MRPL3: variants seen among roughly 807,000 people sequenced by gnomAD.
The protein encoded by MRPL3 is mitochondrial ribosomal protein L3.
In MRPL3, 43 loss-of-function variants were observed where a neutral mutation model predicts 44.3. The observed-to-expected ratio is 0.97, with a 90% CI of 0.76 to 1.25. MRPL3 has a LOEUF of 1.25. Ranked by LOEUF, MRPL3 falls within the 50% of genes most tolerant of loss-of-function variation. The probability of loss-of-function intolerance (pLI) is 0.00; values close to 1 mark genes in which losing one functional copy is unlikely to be tolerated. For missense variants in MRPL3, 406 were observed against 427.6 expected (o/e 0.95, Z 0.45); for synonymous variants, 171 against 152.3 (o/e 1.12, Z -0.91).
At chr3:131,466,746 T>C (rs529441895) in intron 9 of MRPL3, among the ~76,000 whole-genome samples, 1 of 152,102 alleles carries the variant, frequency 6.6e-6, no homozygotes, top group Non-Finnish European at 1.5e-5. Context: ...TACATATATA[T>C]GTATGGTGTG....
chr3:131,463,765 T>A (rs780065588), intron 9 of MRPL3, among the ~76,000 whole-genome samples: 1 of 152,186 alleles, frequency 6.6e-6, no homozygotes, highest in African/African-American at 2.4e-5. Flanking sequence ...ACTGATGTGA[T>A]CTAAAATGTT....
intron 6 of MRPL3, among the ~76,000 whole-genome samples, chr3:131,477,438 T>C (rs1343448147): frequency 1.3e-5 from 2 of 152,206 alleles, no homozygotes; most frequent in African/African-American, 2.4e-5. Context: ...TCCTCTCCAA[T>C]TACTCTTTGG....
At chr3:131,501,911 T>C (rs1392333187) in intron 1 of MRPL3, 196 bp from the exon 2 acceptor site, 5 of 1,536,124 alleles carry the variant, frequency 3.3e-6, no homozygotes, top group Non-Finnish European at 4.4e-6. Flanking sequence ...ACATTTAAAC[T>C]GTTAGTCGTT....
At chr3:131,474,469 C>G (rs1933809355) in intron 6 of MRPL3, among the ~76,000 whole-genome samples, 1 of 151,962 alleles carries the variant, frequency 6.6e-6, no homozygotes, top group Non-Finnish European at 1.5e-5. Flanking sequence ...TTCTGGTGTT[C>G]TATGGTACAC....
intron 6 of MRPL3, among the ~76,000 whole-genome samples, chr3:131,479,861 A>G (rs1246205112): frequency 6.6e-6 from 1 of 152,220 alleles, no homozygotes; most frequent in Non-Finnish European, 1.5e-5. Context: ...AAGAATTAAG[A>G]TAAAATCTTT....
intron 5 of MRPL3, 136 bp from the exon 6 acceptor site, chr3:131,487,876 A>G (rs1934165393): frequency 1.6e-6 from 1 of 629,272 alleles, no homozygotes; most frequent in African/African-American, 1.9e-5. Flanking sequence ...AATTAGAAAC[A>G]TCCAAACAAT....
intron 6 of MRPL3, among the ~76,000 whole-genome samples, chr3:131,480,703 T>C (rs908652969): frequency 6.6e-6 from 1 of 152,132 alleles, no homozygotes; most frequent in African/African-American, 2.4e-5. Flanking sequence ...AAATAAACAA[T>C]TCTACAATAT....
chr3:131,484,569 G>A (rs139241997), intron 6 of MRPL3, among the ~76,000 whole-genome samples: 1 of 151,812 alleles, frequency 6.6e-6, no homozygotes, highest in African/African-American at 2.4e-5. Context: ...GTAGAGAGAG[G>A]AGTTTAAAAA....
intron 9 of MRPL3, among the ~76,000 whole-genome samples, chr3:131,466,292 A>G (rs567071767): frequency 6.6e-6 from 1 of 152,252 alleles, no homozygotes; most frequent in East Asian, 1.9e-4. Context: ...CTATCATTGG[A>G]AAATCAATGA....
chr3:131,463,494 C>T (rs964948511), intron 9 of MRPL3, among the ~76,000 whole-genome samples: 7 of 151,838 alleles, frequency 4.6e-5, no homozygotes, highest in Admixed American at 4.6e-4. Flanking sequence ...CTTGATTTAG[C>T]ACTGAATACT....
chr3:131,466,705 G>A (rs1933615237), intron 9 of MRPL3, among the ~76,000 whole-genome samples: 2 of 142,342 alleles, frequency 1.4e-5, no homozygotes, highest in South Asian at 2.5e-4. Flanking sequence ...GGGGGTGGGG[G>A]CAGGGTTTAC....
At chr3:131,484,344 G>C (rs746413867) in intron 6 of MRPL3, among the ~76,000 whole-genome samples, 1 of 152,068 alleles carries the variant, frequency 6.6e-6, no homozygotes, top group Non-Finnish European at 1.5e-5. Context: ...CAGAAGTTCC[G>C]TGGGTGGGGT....
chr3:131,499,136 C>T (rs556943571), intron 3 of MRPL3, among the ~76,000 whole-genome samples: 1 of 152,260 alleles, frequency 6.6e-6, no homozygotes, highest in African/African-American at 2.4e-5. Flanking sequence ...TAAATGGAAT[C>T]AGATTTTATG....
At chr3:131,490,517 A>G (rs77546564) in intron 4 of MRPL3, among the ~76,000 whole-genome samples, 1,909 of 152,288 alleles carry the variant, frequency 0.013, 18 homozygotes, top group East Asian at 0.036. Context: ...CAGAATCTCA[A>G]ATGTGGCCTG....
rs188886436 is a variant in MRPL3, at chr3:131,474,290, C to A, written c.630-3011G>T. On this transcript the variant is annotated intron_variant, in intron 6 of 9. Coordinates refer to ENST00000264995, the MANE Select transcript of MRPL3 (RefSeq NM_007208.4). ...ATTATGTTAAGTGAAATATACCAGA[C>A]ACAGAAAGACAAATAATGTATGATC... Among the ~76,000 whole-genome samples, 33 of 152,218 alleles carry A rather than the reference C, an allele frequency of 2.2e-4. No individual in the cohort carries two copies. In the East Asian group the frequency reaches 6.0e-3, roughly 28 times the overall value.
intron 6 of MRPL3, among the ~76,000 whole-genome samples, chr3:131,485,970 C>T (rs1335517157): frequency 6.6e-6 from 1 of 152,134 alleles, no homozygotes; most frequent in East Asian, 1.9e-4. Flanking sequence ...GCAGAATTAT[C>T]ATGCAACAAA....
chr3:131,476,829 G>A (rs2110700340), intron 6 of MRPL3, among the ~76,000 whole-genome samples: 1 of 152,324 alleles, frequency 6.6e-6, no homozygotes, highest in Middle Eastern at 3.4e-3. Flanking sequence ...GAGAAGCAGA[G>A]TAAAATTTGT....
chr3:131,477,122 T>A (rs1290097582), intron 6 of MRPL3, among the ~76,000 whole-genome samples: 1 of 152,230 alleles, frequency 6.6e-6, no homozygotes, highest in Non-Finnish European at 1.5e-5. Flanking sequence ...GGTTTTAATA[T>A]AAATCCATCA....
chr3:131,478,751 C>T (rs1411284205), intron 6 of MRPL3, among the ~76,000 whole-genome samples: 2 of 149,576 alleles, frequency 1.3e-5, no homozygotes, highest in Admixed American at 1.3e-4. Flanking sequence ...CTCTGTTTAC[C>T]AGGCTGGAGT....
Sources: gnomAD v4.1 joint callset for allele counts (sites outside exome capture counted in the v4.1 genomes callset) on GRCh38, gnomAD v4.1.1 for gene constraint, MANE v1.5 for transcripts, NCBI Gene and HGNC (gene_info 2026-07-23, HGNC 2026-07-21) for gene names.